EEA1: variants seen among roughly 807,000 people sequenced by gnomAD.
The protein encoded by EEA1 is early endosome antigen 1.
Under a neutral mutation model 209.2 loss-of-function variants are expected in EEA1, and 111 were observed. The ratio of observed to expected loss-of-function variants is 0.53; its 90% CI spans 0.45 to 0.62. EEA1 has a LOEUF of 0.62. EEA1 is among the 20% of genes least tolerant of loss of function. The probability of loss-of-function intolerance (pLI) is 0.00; values close to 1 mark genes in which losing one functional copy is unlikely to be tolerated. For missense variants in EEA1, 1,343 were observed against 1,530.8 expected (o/e 0.88, Z 2.05); for synonymous variants, 536 against 540.6 (o/e 0.99, Z 0.12).
chr12:92,899,226 G>A (rs903385249), intron 1 of EEA1, among the ~76,000 whole-genome samples: 7 of 151,886 alleles, frequency 4.6e-5, no homozygotes, highest in Non-Finnish European at 1.0e-4. Flanking sequence ...TGATGAAATT[G>A]TAAGGCTTTC....
intron 1 of EEA1, among the ~76,000 whole-genome samples, chr12:92,916,990 G>A (rs1433380758): frequency 9.3e-5 from 14 of 151,308 alleles, no homozygotes; most frequent in African/African-American, 3.2e-4. Flanking sequence ...AAGAAAGGGT[G>A]TCAGCAATGG....
chr12:92,856,474 T>C (rs937815377), intron 5 of EEA1, among the ~76,000 whole-genome samples: 2 of 152,170 alleles, frequency 1.3e-5, no homozygotes, highest in Non-Finnish European at 2.9e-5. Flanking sequence ...TGTGTGCATG[T>C]ATGTACAAAT....
intron 21 of EEA1, among the ~76,000 whole-genome samples, chr12:92,788,825 T>C (rs947933505): frequency 2.0e-5 from 3 of 152,214 alleles, no homozygotes; most frequent in Non-Finnish European, 4.4e-5. Flanking sequence ...AGAAACACTT[T>C]CTTCAACTGG....
Position 92,851,126 on chromosome 12 carries a change from T to C in EEA1, c.783A>G (p.Gln261=), listed in dbSNP as rs1877611221. 6.2e-7 allele frequency: 1 copy of C among 1,613,706 alleles called. No homozygotes were observed. Among genetic ancestry groups the C allele is most frequent in the Non-Finnish European group, 8.5e-7 (1 of 1,179,906 alleles). ...ACTTCATTACCTCTGAGCTAGCATA[T>C]TGTGACTGCAATTTTTTGCATTCAT... is the stretch of plus-strand genomic sequence containing the variant. ...LKDECKKLQS[Q]YASSEATISQ... is the part of the protein sequence containing the mutation. Residue 261 remains glutamine, a synonymous_variant, in exon 9 of 29, where the codon CAA becomes CAG. Coordinates refer to ENST00000322349, the MANE Select transcript of EEA1 (RefSeq NM_003566.4).
At chr12:92,826,551 A>C (rs570005722) in intron 12 of EEA1, among the ~76,000 whole-genome samples, 5 of 151,594 alleles carry the variant, frequency 3.3e-5, no homozygotes, top group African/African-American at 1.2e-4. Context: ...CTACTAAAAA[A>C]AAAAAATACA....
intron 10 of EEA1, 104 bp downstream of exon 10, chr12:92,842,361 T>A (rs1000379266): frequency 4.6e-5 from 26 of 566,024 alleles, no homozygotes; most frequent in African/African-American, 1.0e-4. Flanking sequence ...AAAAAAAAAA[T>A]AAGTCACATT....
intron 1 of EEA1, among the ~76,000 whole-genome samples, chr12:92,910,743 A>C (rs1432128044): frequency 6.6e-6 from 1 of 152,238 alleles, no homozygotes; most frequent in African/African-American, 2.4e-5. Context: ...CTGATAATGG[A>C]CTATTATCCA....
rs1450525146 is a variant in EEA1 at position 92,813,105 on chromosome 12, T to A, written c.1930-12A>T. ...GTTTTGGCTTTAATCTGTAACAGCA[T>A]TTACAAATTATTTAATTTATATTTA... On this transcript the variant is annotated splice_polypyrimidine_tract_variant and intron_variant, in intron 15 of 28. Transcript: ENST00000322349. The A allele has an allele frequency of 6.8e-7, 1 of 1,475,088 alleles. No individual in the cohort carries two copies. The highest frequency in any genetic ancestry group is 1.4e-5 in the African/African-American group (1 of 71,618). The allele number at this position is 1,475,088 out of a possible 1,614,324, so 91.4% of individuals were successfully genotyped here. A position where few individuals can be genotyped will look rare whatever the true frequency, so the allele number is the denominator to read the frequency against.
At chr12:92,923,690 T>G (rs1214573587) in intron 1 of EEA1, among the ~76,000 whole-genome samples, 2 of 152,128 alleles carry the variant, frequency 1.3e-5, no homozygotes, top group Non-Finnish European at 2.9e-5. Context: ...CTTATCACAT[T>G]GTTTTGTAAT....
chr12:92,863,780 G>A (rs1446736737), intron 3 of EEA1, among the ~76,000 whole-genome samples: 1 of 152,166 alleles, frequency 6.6e-6, no homozygotes, highest in Non-Finnish European at 1.5e-5. Flanking sequence ...GAATGGTAGG[G>A]CAGAAGTCAG....
intron 21 of EEA1, among the ~76,000 whole-genome samples, chr12:92,791,837 A>G (rs1874417867): frequency 6.6e-6 from 1 of 152,198 alleles, no homozygotes; most frequent in East Asian, 1.9e-4. Context: ...TCAGCACCAC[A>G]TCACACTTAT....
intron 1 of EEA1, among the ~76,000 whole-genome samples, chr12:92,916,905 T>C (rs2136783375): frequency 6.7e-6 from 1 of 149,028 alleles, no homozygotes; most frequent in East Asian, 2.0e-4. Context: ...TTAAAGGAGC[T>C]GATGGAGCTG....
chr12:92,910,228 T>C (rs1273833942), intron 1 of EEA1, among the ~76,000 whole-genome samples: 2 of 151,044 alleles, frequency 1.3e-5, no homozygotes, highest in African/African-American at 4.9e-5. Flanking sequence ...TCCCAGCACT[T>C]TGGGAGGCCG....
intron 2 of EEA1, among the ~76,000 whole-genome samples, chr12:92,868,532 C>T (rs1592747183): frequency 6.6e-6 from 1 of 152,184 alleles, no homozygotes; most frequent in Admixed American, 6.5e-5. Flanking sequence ...CTAAGTGTGC[C>T]AGAAAGCTAA....
intron 11 of EEA1, among the ~76,000 whole-genome samples, chr12:92,831,449 G>A (rs113538973): frequency 6.7e-6 from 1 of 149,406 alleles, no homozygotes; most frequent in African/African-American, 2.4e-5. Context: ...GGTAAATAAT[G>A]TAGTTCAAAA....
intron 1 of EEA1, among the ~76,000 whole-genome samples, chr12:92,893,103 G>A (rs1879727910): frequency 6.6e-6 from 1 of 152,146 alleles, no homozygotes; most frequent in Admixed American, 6.5e-5. Flanking sequence ...AGGGTTAAAG[G>A]TCTTTTCCCC....
intron 2 of EEA1, among the ~76,000 whole-genome samples, chr12:92,877,728 G>T (rs1354226644): frequency 2.0e-5 from 3 of 151,948 alleles, no homozygotes; most frequent in Admixed American, 6.6e-5. Context: ...GGTCAGGCTG[G>T]TCTCGAACTC....
intron 15 of EEA1, among the ~76,000 whole-genome samples, chr12:92,814,377 T>G (rs1369741437): frequency 6.6e-6 from 1 of 152,214 alleles, no homozygotes; most frequent in Admixed American, 6.5e-5. Context: ...AATATATTTT[T>G]GCAGAAGTCA....
chr12:92,844,900 A>G (rs1383865695), intron 9 of EEA1, among the ~76,000 whole-genome samples: 3 of 152,088 alleles, frequency 2.0e-5, no homozygotes, highest in Non-Finnish European at 4.4e-5. Flanking sequence ...TATTAAGCCA[A>G]GTGTAAGGTC....
Sources: gnomAD v4.1 joint callset for allele counts (sites outside exome capture counted in the v4.1 genomes callset) on GRCh38, gnomAD v4.1.1 for gene constraint, MANE v1.5 for transcripts, NCBI Gene and HGNC (gene_info 2026-07-23, HGNC 2026-07-21) for gene names.